AGER: variants seen among roughly 807,000 people sequenced by gnomAD.
AGER encodes advanced glycation end product-specific receptor.
A neutral mutation model predicts 48.8 loss-of-function variants in AGER; 46 were observed. The ratio of observed to expected loss-of-function variants is 0.94; its 90% CI spans 0.74 to 1.20. AGER has a LOEUF of 1.20. AGER is among the 50% of genes most tolerant of loss of function. The probability of loss-of-function intolerance (pLI) is 0.00; values close to 1 mark genes in which losing one functional copy is unlikely to be tolerated. For synonymous variants in AGER, 170 were observed against 199.9 expected, an observed-to-expected ratio of 0.85 and a Z score of 1.26; for missense variants, 489 against 515.0, an observed-to-expected ratio of 0.95 and a Z score of 0.49.
chr6:32,181,006 C>T lies in AGER; in HGVS notation c.*137G>A. ...GGTGTTTAATCATCATTGTGGGGGG[C>T]TCTGGTTGTAGAAGAAAGCTTGGCA... On this transcript the variant is annotated 3_prime_UTR_variant, in exon 11 of 11. Coordinates refer to ENST00000375076, the MANE Select transcript of AGER (RefSeq NM_001136.5). This position sits in a 1 kb window ranked among gnomAD's most constrained non-coding sequence, Gnocchi z 4.1. The T allele has an allele frequency of 1.2e-6, 1 of 846,010 alleles. No individual in the cohort carries two copies. The highest frequency in any genetic ancestry group is 1.9e-6 in the Non-Finnish European group (1 of 521,710). 52.4% of individuals were successfully genotyped at this position (846,010 alleles called of 1,614,324 possible). A position where few individuals can be genotyped will look rare whatever the true frequency, so the allele number is the denominator to read the frequency against.
rs1786265826 is a variant in AGER, at chr6:32,181,762, G to A, written c.965-130C>T. The stretch of plus-strand genomic sequence containing the variant: ...GATGGAGTTTCACTTTTGTTGCCCA[G>A]GCTGGCATGCAATGGTGCGATCTTG... On this transcript the variant is annotated intron_variant, in intron 8 of 10. Transcript: ENST00000375076. This position sits in a 1 kb window ranked among gnomAD's most constrained non-coding sequence, Gnocchi z 4.1. The A allele has an allele frequency of 1.0e-6, 1 of 988,310 alleles. No homozygotes were observed. The highest frequency in any genetic ancestry group is 1.5e-6 in the Non-Finnish European group (1 of 667,942). 61.2% of individuals were successfully genotyped at this position (988,310 alleles called of 1,614,324 possible).
rs1209566432 is a variant in AGER at position 32,182,159 on chromosome 6, G to A, written c.964+88C>T. On this transcript the variant is annotated intron_variant, in intron 8 of 10. Transcript: ENST00000375076. This position sits in a 1 kb window ranked among gnomAD's most constrained non-coding sequence, Gnocchi z 5.1. ...AGGGAGAGGTGGGGTGGCTGTTAGG[G>A]ATAAGGCCAGAATGGGGCAGGAAAT... The A allele has an allele frequency of 3.8e-6, 6 of 1,586,298 alleles. No individual in the cohort carries two copies. The highest frequency in any genetic ancestry group is 1.3e-5 in the African/African-American group (1 of 74,422).
chr6:32,183,774 A>G, intron 2 of AGER, 24 bp from the exon 3 acceptor site: 1 of 1,612,354 alleles, frequency 6.2e-7, no homozygotes, highest in South Asian at 1.1e-5. Flanking sequence ...AGCAGGGCCT[A>G]AACAGTGCAA....
Position 32,181,994 on chromosome 6 carries a change from A to G in AGER, c.964+253T>C. 3 of 671,058 alleles carry G rather than the reference A, an allele frequency of 4.5e-6. No individual in the cohort carries two copies. Among genetic ancestry groups the G allele is most frequent in the Non-Finnish European group, 5.3e-6 (2 of 377,032 alleles). 41.6% of individuals were successfully genotyped at this position (671,058 alleles called of 1,614,324 possible). The stretch of plus-strand genomic sequence containing the variant: ...GTGATCTGCCCGCCTCAGCCTCCCA[A>G]AGTGTTGGGATTACAGGCGTGAGCC... On this transcript the variant is annotated intron_variant, in intron 8 of 10. Coordinates refer to ENST00000375076, the MANE Select transcript of AGER (RefSeq NM_001136.5). The surrounding 1 kb of genome is among the most constrained non-coding windows in gnomAD (Gnocchi z 4.1).
chr6:32,181,363 C>T lies in AGER; in HGVS notation c.1106G>A (p.Arg369Gln), dbSNP rs3176931. 5,582 of 1,612,674 alleles carry T rather than the reference C, an allele frequency of 3.5e-3. 117 individuals are homozygous for T. Among genetic ancestry groups the T allele is most frequent in the Admixed American group, 0.02 (1,222 of 59,838 alleles). ...TTTCTCCACTCACCTCTCCTCTCCTCGGCGTTGCCGCCTTTGCCACAAGAT... is the reference window on the plus strand; with the variant it reads ...TTTCTCCACTCACCTCTCCTCTCCTTGGCGTTGCCGCCTTTGCCACAAGAT... ...GVILWQRRQR[R>Q]GEERKAPENQ... Residue 369 changes from arginine (R) to glutamine (Q), a missense_variant, in exon 10 of 11, where the codon CGA becomes CAA. Coordinates refer to ENST00000375076, the MANE Select transcript of AGER (RefSeq NM_001136.5). This position sits in a 1 kb window ranked among gnomAD's most constrained non-coding sequence, Gnocchi z 4.1.
Position 32,182,877 on chromosome 6 carries a change from C to T in AGER, c.655G>A (p.Ala219Thr). ...GGCTGGATGGGGGCTGTGCGCAAGGCCCGGTGTCGGGGAAGGCCTGGGCTG... is the reference window on the plus strand; with the variant it reads ...GGCTGGATGGGGGCTGTGCGCAAGGTCCGGTGTCGGGGAAGGCCTGGGCTG... ...SFSPGLPRHRALRTAPIQPRV... is the reference protein window; with the variant it reads ...SFSPGLPRHRTLRTAPIQPRV... Residue 219 changes from alanine (A) to threonine (T), a missense_variant, in exon 6 of 11, where the codon GCC becomes ACC. Physicochemically the swap from Ala to Thr is moderately conservative, Grantham distance 58. Coordinates refer to ENST00000375076, the MANE Select transcript of AGER (RefSeq NM_001136.5). This position sits in a 1 kb window ranked among gnomAD's most constrained non-coding sequence, Gnocchi z 5.1. 1 of 1,611,484 alleles carries T rather than the reference C, an allele frequency of 6.2e-7. No homozygotes were observed. The highest frequency in any genetic ancestry group is 8.5e-7 in the Non-Finnish European group (1 of 1,179,416).
At position 32,183,398 on chromosome 6, in the gene AGER, G is replaced by GA. The variant is rs761559055; in HGVS notation, c.356-11dup. On this transcript the variant is annotated splice_polypyrimidine_tract_variant and intron_variant, in intron 3 of 10. Transcript: ENST00000375076. ...GGCTTCCCAGGAATCTCTGAAGGAG[G>GA]AAAAATCCAGTCAGAGGCTGTAATT... 1.6e-5 allele frequency: 25 copies of GA among 1,612,254 alleles called. No individual in the cohort carries two copies. Among genetic ancestry groups the GA allele is most frequent in the Non-Finnish European group, 2.0e-5 (23 of 1,179,386 alleles).
intron 5 of AGER, 41 bp from the exon 6 acceptor site, chr6:32,183,064 T>C: frequency 6.2e-7 from 1 of 1,612,998 alleles, no homozygotes; most frequent in South Asian, 1.1e-5. Context: ...AGGGTGGGTG[T>C]GGGAGTGAGA....
At position 32,183,381 on chromosome 6, in the gene AGER, A is replaced by G. The variant is rs1786616685; in HGVS notation, c.363T>C (p.Pro121=). The change falls in exon 4 of 11, where the codon CCT becomes CCC. Residue 121 remains proline (P), a synonymous_variant. Transcript: ENST00000375076. ...CAGAATCTACAATTTCTGGCTTCCC[A>G]GGAATCTCTGAAGGAGGAAAAATCC... ...SNYRVRVYQI[P]GKPEIVDSAS... The G allele has an allele frequency of 1.2e-6, 2 of 1,613,104 alleles. No individual in the cohort carries two copies. Among genetic ancestry groups the G allele is most frequent in the Non-Finnish European group, 1.7e-6 (2 of 1,180,026 alleles).
In AGER at chr6:32,181,819, G is replaced by C. The variant is rs1786277512; in HGVS notation, c.965-187C>G. Among the ~76,000 whole-genome samples, 1 of 152,144 alleles carries C rather than the reference G, an allele frequency of 6.6e-6. No homozygotes were observed. On this transcript the variant is annotated intron_variant, in intron 8 of 10. Transcript: ENST00000375076. This position sits in a 1 kb window ranked among gnomAD's most constrained non-coding sequence, Gnocchi z 4.1. The stretch of plus-strand genomic sequence containing the variant: ...CGCAATCTATGCCTCCTGGGTTCAA[G>C]CAATTCTCCTGCCTCAGCCTCTCAA...
rs1786088021 is a variant in AGER, at chr6:32,181,064, G to A, written c.*79C>T. 7.0e-7 allele frequency: 1 copy of A among 1,428,940 alleles called. No individual in the cohort carries two copies. Among genetic ancestry groups the A allele is most frequent in the South Asian group, 1.1e-5 (1 of 86,998 alleles). 88.5% of individuals were successfully genotyped at this position (1,428,940 alleles called of 1,614,324 possible). A position where few individuals can be genotyped will look rare whatever the true frequency, so the allele number is the denominator to read the frequency against. ...GTTATACAGGAGAGAGATTATACAG[G>A]AGAGAGTTGGTCTGAGGCCAGAACA... On this transcript the variant is annotated 3_prime_UTR_variant, in exon 11 of 11. Transcript: ENST00000375076. The surrounding 1 kb of genome is among the most constrained non-coding windows in gnomAD (Gnocchi z 4.1).
At chr6:32,184,148 G>C (rs767231497) in intron 1 of AGER, 23 bp downstream of exon 1, 1 of 1,609,550 alleles carries the variant, frequency 6.2e-7, no homozygotes, top group East Asian at 2.2e-5. Context: ...GGGAGGGTCA[G>C]TGGGGTTGAG....
Position 32,181,046 on chromosome 6 carries a change from A to C in AGER, c.*97T>G. 7.7e-7 allele frequency: 1 copy of C among 1,294,808 alleles called. No homozygotes were observed. The highest frequency in any genetic ancestry group is 1.5e-5 in the African/African-American group (1 of 67,996). 80.2% of individuals were successfully genotyped at this position (1,294,808 alleles called of 1,614,324 possible). The stretch of plus-strand genomic sequence containing the variant: ...AAAGCTTGGCAAGGTGGGGTTATAC[A>C]GGAGAGAGATTATACAGGAGAGAGT... On this transcript the variant is annotated 3_prime_UTR_variant, in exon 11 of 11. Transcript: ENST00000375076. The surrounding 1 kb of genome is among the most constrained non-coding windows in gnomAD (Gnocchi z 4.1).
chr6:32,181,295 T>C lies in AGER; in HGVS notation c.1118+56A>G. 6.2e-7 allele frequency: 1 copy of C among 1,613,730 alleles called. No individual in the cohort carries two copies. The highest frequency in any genetic ancestry group is 8.5e-7 in the Non-Finnish European group (1 of 1,180,024). On this transcript the variant is annotated intron_variant, in intron 10 of 10. Transcript: ENST00000375076. This position sits in a 1 kb window ranked among gnomAD's most constrained non-coding sequence, Gnocchi z 4.1. ...CGTTGTCGTTCCACCCCCCGACCCC[T>C]CTTCGCTTGCTGCCTGGAAGCCCTA...
Position 32,183,306 on chromosome 6 carries a change from C to A in AGER, c.420+18G>T. Reference sequence around the variant, plus strand: ...GTTCACAGGGCCGTTTTCTACTTCTCCTGCTTTCTTCCACTACCTTATTGG... The same window carrying A: ...GTTCACAGGGCCGTTTTCTACTTCTACTGCTTTCTTCCACTACCTTATTGG... On this transcript the variant is annotated intron_variant, in intron 4 of 10. Coordinates refer to ENST00000375076, the MANE Select transcript of AGER (RefSeq NM_001136.5). The A allele has an allele frequency of 1.2e-6, 2 of 1,612,988 alleles. No homozygotes were observed. Among genetic ancestry groups the A allele is most frequent in the Non-Finnish European group, 1.7e-6 (2 of 1,179,862 alleles).
rs749780485 is a variant in AGER, at chr6:32,182,424, C to G, written c.823-36G>C. ...AAGGGGAGAGGAGACTATTTCAAAA[C>G]CCTTGTCTTTTTGTCTCCATATCTT... On this transcript the variant is annotated intron_variant, in intron 7 of 10. Coordinates refer to ENST00000375076, the MANE Select transcript of AGER (RefSeq NM_001136.5). The surrounding 1 kb of genome is among the most constrained non-coding windows in gnomAD (Gnocchi z 5.1). The G allele has an allele frequency of 6.3e-6, 10 of 1,596,602 alleles. No homozygotes were observed. Among genetic ancestry groups the G allele is most frequent in the Non-Finnish European group, 8.5e-6 (10 of 1,170,604 alleles).
intron 3 of AGER, 61 bp from the exon 4 acceptor site, chr6:32,183,449 G>T: frequency 2.5e-6 from 4 of 1,607,092 alleles, no homozygotes; most frequent in Non-Finnish European, 3.4e-6. Flanking sequence ...CTCTGTGTGT[G>T]GAAATGAGGC....
Position 32,182,162 on chromosome 6 carries a change from A to T in AGER, c.964+85T>A. 2 of 1,592,872 alleles carry T rather than the reference A, an allele frequency of 1.3e-6. No homozygotes were observed. Among genetic ancestry groups the T allele is most frequent in the Non-Finnish European group, 1.7e-6 (2 of 1,165,038 alleles). On this transcript the variant is annotated intron_variant, in intron 8 of 10. Transcript: ENST00000375076. This position sits in a 1 kb window ranked among gnomAD's most constrained non-coding sequence, Gnocchi z 5.1. ...GAGAGGTGGGGTGGCTGTTAGGGAT[A>T]AGGCCAGAATGGGGCAGGAAATTAG...
At position 32,181,684 on chromosome 6, in the gene AGER, G is replaced by C; in HGVS notation, c.965-52C>G. On this transcript the variant is annotated intron_variant, in intron 8 of 10. Coordinates refer to ENST00000375076, the MANE Select transcript of AGER (RefSeq NM_001136.5). The surrounding 1 kb of genome is among the most constrained non-coding windows in gnomAD (Gnocchi z 4.1). ...GAAAGGAAGACTTCGGGTTGAGAGA[G>C]GGTTATTTAGTGGGAGCCCCAGTGG... 6.3e-7 allele frequency: 1 copy of C among 1,580,510 alleles called. No individual in the cohort carries two copies. The highest frequency in any genetic ancestry group is 8.7e-7 in the Non-Finnish European group (1 of 1,155,792).
Sources: gnomAD v4.1 joint callset for allele counts (sites outside exome capture counted in the v4.1 genomes callset) on GRCh38, gnomAD v4.1.1 for gene constraint, Gnocchi (gnomAD v3.1) non-coding constraint, MANE v1.5 for transcripts, NCBI Gene and HGNC (gene_info 2026-07-23, HGNC 2026-07-21) for gene names.